Variants in MYO6 observed in about 807,000 individuals in gnomAD.
The protein encoded by MYO6 is myosin VI.
A neutral mutation model predicts 178.7 loss-of-function variants in MYO6; 74 were observed. The observed-to-expected ratio is 0.41, with a 90% CI of 0.34 to 0.50. The LOEUF (loss-of-function observed/expected upper bound fraction) is 0.50. Ranked by LOEUF, MYO6 falls within the 20% of genes least tolerant of loss-of-function variation. MYO6 has a pLI of 0.09. For synonymous variants in MYO6, 477 were observed against 504.6 expected (o/e 0.95, Z 0.73); for missense variants, 1,330 against 1,547.4 (o/e 0.86, Z 2.36).
At chr6:75,753,453 GTGTA>G (rs1181632427) in intron 1 of MYO6, among the ~76,000 whole-genome samples, 6 of 125,310 alleles carry the variant, frequency 4.8e-5, no homozygotes, top group African/African-American at 1.9e-4. Flanking sequence ...GTGTGTGTGT[GTGTA>G]TATATATATA....
chr6:75,756,910 T>TATATATACAC (rs67653365), intron 1 of MYO6, among the ~76,000 whole-genome samples: 9 of 123,902 alleles, frequency 7.3e-5, no homozygotes, highest in African/African-American at 2.6e-4. Flanking sequence ...TATATATATA[T>TATATATACAC]ACACATATAT....
intron 6 of MYO6, among the ~76,000 whole-genome samples, chr6:75,834,589 TGTA>T (rs930751155): frequency 6.6e-6 from 1 of 152,116 alleles, no homozygotes; most frequent in Non-Finnish European, 1.5e-5. Context: ...TAACACTCAT[TGTA>T]GTATAGTTCT....
intron 20 of MYO6, among the ~76,000 whole-genome samples, chr6:75,873,885 G>T (rs1777353543): frequency 6.6e-6 from 1 of 152,086 alleles, no homozygotes; most frequent in Non-Finnish European, 1.5e-5. Context: ...CCCTCACCCT[G>T]CCATGTCTGA....
intron 1 of MYO6, among the ~76,000 whole-genome samples, chr6:75,779,150 T>C (rs552018393): frequency 6.6e-5 from 10 of 151,488 alleles, no homozygotes; most frequent in Admixed American, 1.3e-4. Flanking sequence ...CCTTCCATCT[T>C]GGCCTCCCAA....
At chr6:75,751,995 CTTTT>C (rs1239585313) in intron 1 of MYO6, among the ~76,000 whole-genome samples, 3 of 142,518 alleles carry the variant, frequency 2.1e-5, no homozygotes, top group Non-Finnish European at 4.6e-5. Context: ...TTTATTTATT[CTTTT>C]TTTTTTTTTT....
At chr6:75,808,493 AT>A (rs1353082918) in intron 1 of MYO6, among the ~76,000 whole-genome samples, 1 of 152,218 alleles carries the variant, frequency 6.6e-6, no homozygotes, top group South Asian at 2.1e-4. Flanking sequence ...ATACAGAGAC[AT>A]TGAGGGTTAA....
chr6:75,822,078 T>G (rs188445481), intron 2 of MYO6, among the ~76,000 whole-genome samples: 2 of 152,122 alleles, frequency 1.3e-5, no homozygotes, highest in Admixed American at 6.6e-5. Context: ...TCTGTCTTTT[T>G]TTTTTGAGAT....
At chr6:75,765,002 CAAAA>C (rs957587029) in intron 1 of MYO6, among the ~76,000 whole-genome samples, 4 of 114,256 alleles carry the variant, frequency 3.5e-5, no homozygotes, top group Non-Finnish European at 7.6e-5. Flanking sequence ...CCGTCTCAAA[CAAAA>C]AAAAAAAAGA....
chr6:75,842,559 T>C (rs977082829), intron 9 of MYO6, among the ~76,000 whole-genome samples: 6 of 152,206 alleles, frequency 3.9e-5, no homozygotes, highest in Non-Finnish European at 8.8e-5. Flanking sequence ...AAGTCTGTTG[T>C]CTTAAAACAC....
intron 1 of MYO6, among the ~76,000 whole-genome samples, chr6:75,759,089 C>T (rs1476512050): frequency 6.6e-6 from 1 of 151,866 alleles, no homozygotes; most frequent in Non-Finnish European, 1.5e-5. Context: ...AGGCTGGTCT[C>T]GAACTCCTGA....
intron 17 of MYO6, 118 bp from the exon 18 acceptor site, chr6:75,866,814 T>C (rs1440314427): frequency 1.7e-6 from 2 of 1,186,074 alleles, no homozygotes; most frequent in African/African-American, 3.0e-5. Flanking sequence ...GGTGACGGCG[T>C]TGGACAGTGC....
intron 1 of MYO6, among the ~76,000 whole-genome samples, chr6:75,768,414 T>G (rs1562129877): frequency 6.6e-6 from 1 of 150,502 alleles, no homozygotes; most frequent in African/African-American, 2.5e-5. Context: ...GGAGTCTTGC[T>G]CTATCACCCA....
intron 25 of MYO6, among the ~76,000 whole-genome samples, chr6:75,888,787 T>C (rs2149364454): frequency 6.6e-6 from 1 of 152,322 alleles, no homozygotes; most frequent in Admixed American, 6.5e-5. Context: ...TTTCTATCTC[T>C]ACCATTGTTA....
At chr6:75,793,317 A>T (rs987084907) in intron 1 of MYO6, among the ~76,000 whole-genome samples, 1 of 152,194 alleles carries the variant, frequency 6.6e-6, no homozygotes, top group African/African-American at 2.4e-5. Context: ...AAAAATGATT[A>T]AAATGGGCTG....
At chr6:75,909,129 A>G (rs999586950) in intron 32 of MYO6, among the ~76,000 whole-genome samples, 1 of 152,354 alleles carries the variant, frequency 6.6e-6, no homozygotes. Context: ...GGCTCAAGCA[A>G]TCCTCCTGCC....
intron 1 of MYO6, among the ~76,000 whole-genome samples, chr6:75,763,349 C>G (rs1778118431): frequency 6.6e-6 from 1 of 152,094 alleles, no homozygotes; most frequent in South Asian, 2.1e-4. Flanking sequence ...TCTGGGAAAG[C>G]TTCCTATTTA....
chr6:75,826,029 A>T (rs1393595063), intron 3 of MYO6, among the ~76,000 whole-genome samples: 1 of 152,196 alleles, frequency 6.6e-6, no homozygotes, highest in Non-Finnish European at 1.5e-5. Context: ...AGTTGCATGT[A>T]AATAGCCAAG....
chr6:75,832,776 G>A (rs1773230553), intron 5 of MYO6, 66 bp from the exon 6 acceptor site: 2 of 974,368 alleles, frequency 2.1e-6, no homozygotes, highest in Non-Finnish European at 3.3e-6. Flanking sequence ...GTCCTAAAGT[G>A]AACTTTCTAT....
intron 1 of MYO6, among the ~76,000 whole-genome samples, chr6:75,808,335 C>G (rs1583149719): frequency 6.6e-6 from 1 of 152,120 alleles, no homozygotes; most frequent in East Asian, 1.9e-4. Context: ...TCTGTGTGTT[C>G]CCTTGGCCTT....
Sources: gnomAD v4.1 joint callset for allele counts (sites outside exome capture counted in the v4.1 genomes callset) on GRCh38, gnomAD v4.1.1 for gene constraint, MANE v1.5 for transcripts, NCBI Gene and HGNC (gene_info 2026-07-23, HGNC 2026-07-21) for gene names.